TNNI3K: variants seen among roughly 807,000 people sequenced by gnomAD.
TNNI3K encodes the protein serine/threonine-protein kinase TNNI3K.
A neutral mutation model predicts 114.5 loss-of-function variants in TNNI3K; 140 were observed. The ratio of observed to expected loss-of-function variants is 1.22; its 90% CI spans 1.07 to 1.41. The LOEUF (loss-of-function observed/expected upper bound fraction) is 1.41. Among genes scored for constraint, TNNI3K ranks in the 40% most tolerant of loss-of-function variants. TNNI3K has a pLI of 0.00. For synonymous variants in TNNI3K, 347 were observed against 347.5 expected (o/e 1.00, Z 0.02); for missense variants, 1,125 against 1,007.6 (o/e 1.12, Z -1.58).
At chr1:74,329,323 A>G (rs1036325594) in intron 5 of TNNI3K, among the ~76,000 whole-genome samples, 1 of 152,098 alleles carries the variant, frequency 6.6e-6, no homozygotes, top group African/African-American at 2.4e-5. Context: ...TAGTCCCTCA[A>G]TAAAAGCTCA....
At chr1:74,522,746 A>T (rs928064232) in intron 23 of TNNI3K, among the ~76,000 whole-genome samples, 1 of 152,148 alleles carries the variant, frequency 6.6e-6, no homozygotes, top group Non-Finnish European at 1.5e-5. Context: ...TGATCATTTG[A>T]TTCAAATCTG....
chr1:74,251,650 T>C (rs1481448836), intron 4 of TNNI3K, among the ~76,000 whole-genome samples: 1 of 152,190 alleles, frequency 6.6e-6, no homozygotes, highest in East Asian at 1.9e-4. Flanking sequence ...TGTGACAGAA[T>C]TTTATTTCAG....
Position 74,463,446 on chromosome 1 carries a change from G to A in TNNI3K, c.2017G>A (p.Ala673Thr). 2 of 1,614,176 alleles carry A rather than the reference G, an allele frequency of 1.2e-6. No individual in the cohort carries two copies. The highest frequency in any genetic ancestry group is 1.7e-6 in the Non-Finnish European group (2 of 1,180,022). The change falls in exon 21 of 25, where the codon GCG (alanine) becomes ACG (threonine). Residue 673 changes from alanine (A) to threonine (T), a missense_variant. Transcript: ENST00000326637. The stretch of plus-strand genomic sequence containing the variant: ...CATGACCATTTGGTTTGCAGCGGCT[G>A]CGGCAGCAGACATGGCTTACCACCA... ...IPFAHLKPAA[A>T]AADMAYHHIR...
intron 17 of TNNI3K, among the ~76,000 whole-genome samples, chr1:74,405,309 A>G (rs1018975155): frequency 2.0e-5 from 3 of 152,194 alleles, no homozygotes; most frequent in East Asian, 1.9e-4. Flanking sequence ...TAAAAAAACC[A>G]TGAGGCTGAA....
chr1:74,308,595 A>G (rs1658792593), intron 5 of TNNI3K, among the ~76,000 whole-genome samples: 1 of 152,180 alleles, frequency 6.6e-6, no homozygotes, highest in South Asian at 2.1e-4. Context: ...TCACAACTGG[A>G]GGAGCTAGAA....
chr1:74,358,765 A>G (rs183227752), intron 11 of TNNI3K, among the ~76,000 whole-genome samples: 14 of 152,116 alleles, frequency 9.2e-5, no homozygotes, highest in African/African-American at 2.6e-4. Context: ...TTTAAAAAAA[A>G]TAAGTAAGTA....
chr1:74,370,515 G>A (rs2100523546), intron 17 of TNNI3K, 123 bp downstream of exon 17: 1 of 702,318 alleles, frequency 1.4e-6, no homozygotes, highest in Non-Finnish European at 2.1e-6. Flanking sequence ...AAGAGGACAG[G>A]CTACCATAAG....
intron 5 of TNNI3K, among the ~76,000 whole-genome samples, chr1:74,328,341 G>A (rs1660023602): frequency 6.6e-6 from 1 of 152,068 alleles, no homozygotes; most frequent in Admixed American, 6.6e-5. Flanking sequence ...GATGAATCAT[G>A]AGTAAAATAA....
intron 4 of TNNI3K, among the ~76,000 whole-genome samples, chr1:74,254,080 C>T (rs1655127950): frequency 6.6e-6 from 1 of 152,180 alleles, no homozygotes; most frequent in African/African-American, 2.4e-5. Context: ...TTATTTCAAA[C>T]TTACAAAGAC....
intron 5 of TNNI3K, among the ~76,000 whole-genome samples, chr1:74,315,443 CATT>C (rs1557492376): frequency 3.3e-5 from 5 of 151,996 alleles, no homozygotes; most frequent in South Asian, 2.1e-4. Context: ...TTAATGCCTA[CATT>C]TGTATATTAC....
chr1:74,351,282 T>C (rs568095226), intron 9 of TNNI3K, among the ~76,000 whole-genome samples: 41 of 151,512 alleles, frequency 2.7e-4, no homozygotes, highest in Non-Finnish European at 5.3e-4. Flanking sequence ...TTTAAGAATG[T>C]TGAATATTGG....
At position 74,307,348 on chromosome 1, in the gene TNNI3K, C is replaced by G. The variant is rs148921041; in HGVS notation, c.445-24102C>G. Among the ~76,000 whole-genome samples the G allele has an allele frequency of 2.4e-3, 364 of 152,142 alleles. 4 individuals are homozygous for G. Among genetic ancestry groups the G allele is most frequent in the Middle Eastern group, 0.014 (4 of 294 alleles). ...ATAGAGTTGCAAATTGGATAAAAAT[C>G]GAGACCCAACTTTATGCTATATTCA... On this transcript the variant is annotated intron_variant, in intron 5 of 24. Coordinates refer to ENST00000326637, the MANE Select transcript of TNNI3K (RefSeq NM_015978.3).
intron 5 of TNNI3K, among the ~76,000 whole-genome samples, chr1:74,292,120 C>T (rs766865595): frequency 2.5e-4 from 38 of 151,226 alleles, no homozygotes; most frequent in Middle Eastern, 3.2e-3. Context: ...TTATTTTGGT[C>T]TCTCTTTTTG....
At chr1:74,416,629 A>C (rs1299432816) in intron 17 of TNNI3K, 2 of 875,620 alleles carry the variant, frequency 2.3e-6, no homozygotes, top group African/African-American at 1.8e-5. Context: ...ATTATTTTCC[A>C]GTGTAATTGA....
Position 74,337,239 on chromosome 1 carries a change from T to G in TNNI3K, c.682+1090T>G, listed in dbSNP as rs1182387659. Among the ~76,000 whole-genome samples, 4 of 152,180 alleles carry G rather than the reference T, an allele frequency of 2.6e-5. No individual in the cohort carries two copies. In the East Asian group the frequency reaches 7.7e-4, roughly 29 times the overall value. On this transcript the variant is annotated intron_variant, in intron 7 of 24. Coordinates refer to ENST00000326637, the MANE Select transcript of TNNI3K (RefSeq NM_015978.3). The stretch of plus-strand genomic sequence containing the variant: ...AAATTTGTTTGAGTTCATTGTAGAT[T>G]CTGGATATTAGCCCTTTGTCAGATG...
chr1:74,503,248 A>G (rs1669726553), intron 23 of TNNI3K, among the ~76,000 whole-genome samples: 1 of 152,214 alleles, frequency 6.6e-6, no homozygotes, highest in South Asian at 2.1e-4. Context: ...GCATAAATAC[A>G]ATAGGGAATC....
intron 17 of TNNI3K, among the ~76,000 whole-genome samples, chr1:74,402,403 T>C (rs1664410742): frequency 6.6e-6 from 1 of 152,196 alleles, no homozygotes; most frequent in Non-Finnish European, 1.5e-5. Context: ...AAAAAATGTG[T>C]TTCTGGTTTG....
At chr1:74,461,006 C>T (rs977117439) in intron 20 of TNNI3K, among the ~76,000 whole-genome samples, 4 of 152,180 alleles carry the variant, frequency 2.6e-5, no homozygotes, top group African/African-American at 7.2e-5. Flanking sequence ...CCTCCCCACC[C>T]ATTAGACTAT....
At chr1:74,512,939 G>A (rs1373506246) in intron 23 of TNNI3K, among the ~76,000 whole-genome samples, 1 of 152,144 alleles carries the variant, frequency 6.6e-6, no homozygotes, top group Non-Finnish European at 1.5e-5. Flanking sequence ...TCCCTCATCC[G>A]GGTAAATGGC....
Sources: gnomAD v4.1 joint callset for allele counts (sites outside exome capture counted in the v4.1 genomes callset) on GRCh38, gnomAD v4.1.1 for gene constraint, MANE v1.5 for transcripts, NCBI Gene and HGNC (gene_info 2026-07-23, HGNC 2026-07-21) for gene names.